The following SUPT3H variants were observed in gnomAD, a reference collection of about 807,000 sequenced individuals.
The protein encoded by SUPT3H is transcription initiation protein SPT3 homolog.
SUPT3H carries 44 observed loss-of-function variants against 44.3 expected under a neutral mutation model. The observed-to-expected ratio is 0.99, with a 90% CI of 0.78 to 1.28. The LOEUF is 1.28. Ranked by LOEUF, SUPT3H falls within the 50% of genes most tolerant of loss-of-function variation. The pLI is 0.00. For synonymous variants in SUPT3H, 124 were observed against 125.6 expected, an observed-to-expected ratio of 0.99 and a Z score of 0.09; for missense variants, 380 against 387.1, an observed-to-expected ratio of 0.98 and a Z score of 0.15.
chr6:45,060,078 A>G (rs966597339), intron 3 of SUPT3H, among the ~76,000 whole-genome samples: 1 of 152,220 alleles, frequency 6.6e-6, no homozygotes, highest in Non-Finnish European at 1.5e-5. Context: ...CATTCTTTAC[A>G]GAATTAGAAA....
chr6:45,129,556 C>T (rs1248041045), intron 2 of SUPT3H, among the ~76,000 whole-genome samples: 1 of 152,146 alleles, frequency 6.6e-6, no homozygotes, highest in East Asian at 1.9e-4. Flanking sequence ...GTCCTAGATA[C>T]CCGTATGAAC....
intron 10 of SUPT3H, among the ~76,000 whole-genome samples, chr6:44,884,406 G>A (rs1778781755): frequency 6.6e-6 from 1 of 152,160 alleles, no homozygotes; most frequent in South Asian, 2.1e-4. Flanking sequence ...ACCGTTGGTG[G>A]GAGTGTAAAT....
At chr6:44,943,496 A>G (rs1772797205) in intron 9 of SUPT3H, among the ~76,000 whole-genome samples, 1 of 152,182 alleles carries the variant, frequency 6.6e-6, no homozygotes, top group Non-Finnish European at 1.5e-5. Flanking sequence ...TAATTTGGTT[A>G]AAGACATACA....
intron 6 of SUPT3H, among the ~76,000 whole-genome samples, chr6:44,993,422 A>G (rs1288230876): frequency 7.0e-6 from 1 of 142,906 alleles, no homozygotes; most frequent in Non-Finnish European, 1.6e-5. Flanking sequence ...CTTGCTTTTT[A>G]TTTCATTAAC....
rs34404703 is a variant in SUPT3H, at chr6:45,028,450, A to AT, written c.187-7819dup. Among the ~76,000 whole-genome samples, 1,186 of 147,930 alleles carry AT rather than the reference A, an allele frequency of 8.0e-3. 7 individuals carry two copies. Among genetic ancestry groups the AT allele is most frequent in the South Asian group, 0.017 (79 of 4,674 alleles). On this transcript the variant is annotated intron_variant, in intron 3 of 10. Transcript: ENST00000371459. ...CTGTCTACCCACTTTAAGCTTTCAGATTTTTTTTTTTTTGACAGTTCTCAC... is the reference window on the plus strand; with the variant it reads ...CTGTCTACCCACTTTAAGCTTTCAGATTTTTTTTTTTTTTGACAGTTCTCAC...
At chr6:45,231,041 C>A (rs1490790996) in intron 2 of SUPT3H, among the ~76,000 whole-genome samples, 1 of 152,086 alleles carries the variant, frequency 6.6e-6, no homozygotes, top group African/African-American at 2.4e-5. Flanking sequence ...TTTTCCCCGT[C>A]ACCTTGTTAA....
Position 44,827,695 on chromosome 6 carries a change from GAGTC to G in SUPT3H, c.*2117_*2120del, listed in dbSNP as rs1462441357. Among the ~76,000 whole-genome samples, 6 of 152,044 alleles carry G rather than the reference GAGTC, an allele frequency of 3.9e-5. No individual in the cohort carries two copies. The highest frequency in any genetic ancestry group is 8.8e-5 in the Non-Finnish European group (6 of 67,956). ...CACTTCAAATTTAGTATTGTGCAAA[GAGTC>G]AGAGAAAGAACCTAAGTATAAAAAA... On this transcript the variant is annotated 3_prime_UTR_variant, in exon 11 of 11. Coordinates refer to ENST00000371459, the MANE Select transcript of SUPT3H (RefSeq NM_003599.4).
At chr6:44,832,701 TTTAA>T (rs770399134) in intron 10 of SUPT3H, among the ~76,000 whole-genome samples, 4 of 152,284 alleles carry the variant, frequency 2.6e-5, no homozygotes, top group Admixed American at 6.5e-5. Flanking sequence ...TCCCATTTTT[TTTAA>T]TTGAGGACCC....
intron 2 of SUPT3H, among the ~76,000 whole-genome samples, chr6:45,236,111 G>A (rs537081379): frequency 4.2e-5 from 6 of 144,420 alleles, no homozygotes; most frequent in African/African-American, 1.0e-4. Flanking sequence ...ATTTCTGTTC[G>A]GGGCTCTCAG....
chr6:45,040,017 G>C (rs1024410158), intron 3 of SUPT3H, among the ~76,000 whole-genome samples: 1 of 152,124 alleles, frequency 6.6e-6, no homozygotes, highest in Non-Finnish European at 1.5e-5. Context: ...GGGGACTTAT[G>C]GGATGAACAG....
At chr6:44,981,640 G>A (rs1479624402) in intron 6 of SUPT3H, among the ~76,000 whole-genome samples, 1 of 152,124 alleles carries the variant, frequency 6.6e-6, no homozygotes, top group East Asian at 1.9e-4. Flanking sequence ...TGGACTCTAG[G>A]TCTCAGTTTT....
intron 10 of SUPT3H, among the ~76,000 whole-genome samples, chr6:44,867,360 C>G (rs185956328): frequency 4.3e-4 from 65 of 152,158 alleles, no homozygotes; most frequent in Non-Finnish European, 3.8e-4. Flanking sequence ...GGGCTGGTTT[C>G]GAACTCCTGA....
chr6:45,090,471 CAA>C (rs1796997900), intron 3 of SUPT3H, among the ~76,000 whole-genome samples: 1 of 151,876 alleles, frequency 6.6e-6, no homozygotes, highest in Admixed American at 6.6e-5. Context: ...TTTATTCTCA[CAA>C]AAGAGACATT....
rs571437679 is a variant in SUPT3H, at chr6:45,148,008, C to T, written c.102-42002G>A. Among the ~76,000 whole-genome samples, 109 of 152,116 alleles carry T rather than the reference C, an allele frequency of 7.2e-4. 1 individual carries two copies. The highest frequency in any genetic ancestry group is 1.3e-3 in the Admixed American group (20 of 15,252). On this transcript the variant is annotated intron_variant, in intron 2 of 10. Transcript: ENST00000371459. Reference sequence around the variant, plus strand: ...AACTTTCTATCATGTATTTTTATCACGTACCCACAGGTAAAGCAAAGCATC... The same window carrying T: ...AACTTTCTATCATGTATTTTTATCATGTACCCACAGGTAAAGCAAAGCATC...
intron 7 of SUPT3H, among the ~76,000 whole-genome samples, chr6:44,958,176 C>G (rs1444339032): frequency 6.6e-6 from 1 of 152,206 alleles, no homozygotes. Flanking sequence ...TGTAATACTA[C>G]CTGGATTTTC....
intron 3 of SUPT3H, among the ~76,000 whole-genome samples, chr6:45,096,125 C>T (rs1797750329): frequency 6.6e-6 from 1 of 152,038 alleles, no homozygotes; most frequent in Non-Finnish European, 1.5e-5. Context: ...AGCATTGCAA[C>T]ATAACAAAAT....
At chr6:44,900,661 T>A (rs1323660178) in intron 10 of SUPT3H, among the ~76,000 whole-genome samples, 1 of 152,144 alleles carries the variant, frequency 6.6e-6, no homozygotes, top group Non-Finnish European at 1.5e-5. Context: ...GTCTGACAGC[T>A]TTGAAGAGAG....
intron 10 of SUPT3H, among the ~76,000 whole-genome samples, chr6:44,862,321 G>A (rs907751789): frequency 6.6e-6 from 1 of 151,906 alleles, no homozygotes; most frequent in African/African-American, 2.4e-5. Context: ...AAAACCAGGT[G>A]AAGTGCCCTC....
chr6:45,087,011 T>C (rs1713404098), intron 3 of SUPT3H, among the ~76,000 whole-genome samples: 3 of 151,944 alleles, frequency 2.0e-5, no homozygotes, highest in Admixed American at 2.0e-4. Flanking sequence ...CCAATCTTTC[T>C]TTCAAACAAA....
Sources: gnomAD v4.1 joint callset for allele counts (sites outside exome capture counted in the v4.1 genomes callset) on GRCh38, gnomAD v4.1.1 for gene constraint, MANE v1.5 for transcripts, NCBI Gene and HGNC (gene_info 2026-07-23, HGNC 2026-07-21) for gene names.